NEK11: variants seen among roughly 807,000 people sequenced by gnomAD.
The protein encoded by NEK11 is NIMA related kinase 11.
NEK11 carries 72 observed loss-of-function variants against 80.7 expected under a neutral mutation model. The observed-to-expected ratio is 0.89, with a 90% CI of 0.74 to 1.08. NEK11 has a LOEUF of 1.08. Among genes scored for constraint, NEK11 ranks in the 50% least tolerant of loss-of-function variants. The pLI, the probability that NEK11 is intolerant of heterozygous loss-of-function variation, is 0.00. For missense variants in NEK11, 764 were observed against 763.6 expected, an observed-to-expected ratio of 1.00 and a Z score of -0.01; for synonymous variants, 251 against 260.7, an observed-to-expected ratio of 0.96 and a Z score of 0.36.
At chr3:131,098,679 G>A (rs533021956) in intron 4 of NEK11, among the ~76,000 whole-genome samples, 5 of 151,522 alleles carry the variant, frequency 3.3e-5, no homozygotes, top group African/African-American at 7.3e-5. Flanking sequence ...GGGTTCAAGC[G>A]ATTTTCCTGC....
At chr3:131,120,761 T>C (rs373898950) in intron 5 of NEK11, among the ~76,000 whole-genome samples, 2 of 152,242 alleles carry the variant, frequency 1.3e-5, no homozygotes, top group South Asian at 4.1e-4. Flanking sequence ...TTCGTCCACT[T>C]GATCAAGTCA....
In NEK11 at chr3:131,258,472, TAAG is replaced by T. The variant is rs377243866; in HGVS notation, c.1621+14979_1621+14981del. Among the ~76,000 whole-genome samples the T allele has an allele frequency of 5.6e-4, 85 of 152,318 alleles. 2 individuals carry two copies. In the South Asian group the frequency reaches 0.015, roughly 27 times the overall value. On this transcript the variant is annotated intron_variant, in intron 16 of 17. Transcript: ENST00000383366. ...AGCTAAATTTCTTCATGTTGGCAGA[TAAG>T]AATAATTAAACTCCCCAAACATTGG...
intron 17 of NEK11, among the ~76,000 whole-genome samples, chr3:131,316,921 T>C (rs2096846262): frequency 6.6e-6 from 1 of 152,190 alleles, no homozygotes; most frequent in Non-Finnish European, 1.5e-5. Context: ...AATCCTAACT[T>C]TGCTGGAATG....
At chr3:131,061,234 T>C (rs1028008318) in intron 3 of NEK11, among the ~76,000 whole-genome samples, 1 of 152,180 alleles carries the variant, frequency 6.6e-6, no homozygotes, top group African/African-American at 2.4e-5. Flanking sequence ...TATTCAGAGG[T>C]AAACATGATC....
At chr3:131,159,453 T>A (rs144620590) in intron 10 of NEK11, among the ~76,000 whole-genome samples, 4 of 152,162 alleles carry the variant, frequency 2.6e-5, no homozygotes, top group Non-Finnish European at 5.9e-5. Context: ...ACTGACCTGA[T>A]TGAGCTGAAA....
intron 17 of NEK11, 79 bp downstream of exon 17, chr3:131,273,653 T>A (rs2096241683): frequency 7.5e-6 from 8 of 1,062,410 alleles, no homozygotes; most frequent in Middle Eastern, 4.1e-4. Context: ...AGTCATGTGA[T>A]ACTGTCTTAG....
chr3:131,214,695 A>ATGTGTGTGTGTGTGTG (rs57370577), intron 14 of NEK11, among the ~76,000 whole-genome samples: 1 of 147,562 alleles, frequency 6.8e-6, no homozygotes, highest in South Asian at 2.2e-4. Context: ...ATGTGCGTGC[A>ATGTGTGTGTGTGTGTG]TGTGTGTGTG....
At chr3:131,172,712 A>G (rs2092768799) in intron 14 of NEK11, among the ~76,000 whole-genome samples, 3 of 152,234 alleles carry the variant, frequency 2.0e-5, no homozygotes, top group Admixed American at 2.0e-4. Context: ...TCCATCTTGA[A>G]TAAGAGCTGA....
chr3:131,263,327 C>T lies in NEK11; in HGVS notation c.1622-10151C>T, dbSNP rs192982634. Among the ~76,000 whole-genome samples the T allele has an allele frequency of 2.6e-5, 4 of 152,236 alleles. No individual in the cohort carries two copies. In the East Asian group the frequency reaches 5.8e-4, roughly 22 times the overall value. On this transcript the variant is annotated intron_variant, in intron 16 of 17. Transcript: ENST00000383366. ...AGCACCATTTATTAAATAGGAAATC[C>T]TTTCCCCATTTCTTGTTTTTGTCAG...
intron 4 of NEK11, among the ~76,000 whole-genome samples, chr3:131,099,188 T>C (rs1215561258): frequency 6.6e-6 from 1 of 152,250 alleles, no homozygotes; most frequent in African/African-American, 2.4e-5. Context: ...GTCTTCTGCA[T>C]ATGGCCAGCC....
At chr3:131,046,649 G>C (rs1231445361) in intron 3 of NEK11, among the ~76,000 whole-genome samples, 1 of 151,486 alleles carries the variant, frequency 6.6e-6, no homozygotes, top group Non-Finnish European at 1.5e-5. Flanking sequence ...TGTTACATAA[G>C]TATACATTTG....
At chr3:131,181,763 A>AG (rs1016114013) in intron 14 of NEK11, among the ~76,000 whole-genome samples, 6 of 150,680 alleles carry the variant, frequency 4.0e-5, no homozygotes, top group African/African-American at 7.3e-5. Context: ...AAAAAAAAAA[A>AG]AAAGAAAAGA....
chr3:131,239,007 G>T (rs557664764), intron 15 of NEK11, among the ~76,000 whole-genome samples: 1 of 152,120 alleles, frequency 6.6e-6, no homozygotes, highest in Admixed American at 6.5e-5. Flanking sequence ...AGATAGATGA[G>T]CTCTATAGGT....
intron 14 of NEK11, among the ~76,000 whole-genome samples, chr3:131,201,253 G>A (rs755152486): frequency 1.3e-5 from 2 of 149,900 alleles, no homozygotes; most frequent in Non-Finnish European, 3.0e-5. Context: ...AAGCAAGGAC[G>A]TGCTTACCAT....
At chr3:131,134,999 A>G (rs1421300808) in intron 7 of NEK11, among the ~76,000 whole-genome samples, 3 of 152,230 alleles carry the variant, frequency 2.0e-5, no homozygotes, top group African/African-American at 4.8e-5. Flanking sequence ...ATGCAAATCA[A>G]CATAAATAGT....
intron 14 of NEK11, among the ~76,000 whole-genome samples, chr3:131,187,329 G>C (rs1442017322): frequency 6.6e-6 from 1 of 152,170 alleles, no homozygotes; most frequent in Non-Finnish European, 1.5e-5. Flanking sequence ...CACTGTTCCA[G>C]AGTAAAATCT....
intron 4 of NEK11, among the ~76,000 whole-genome samples, chr3:131,102,807 G>A (rs2078597960): frequency 1.3e-5 from 2 of 152,106 alleles, no homozygotes; most frequent in Non-Finnish European, 2.9e-5. Context: ...GAATACCATT[G>A]AGTCATAGAT....
At chr3:131,232,612 A>C (rs1201450090) in intron 15 of NEK11, among the ~76,000 whole-genome samples, 5 of 152,182 alleles carry the variant, frequency 3.3e-5, no homozygotes, top group Non-Finnish European at 7.3e-5. Flanking sequence ...TCCCCAAATC[A>C]TTCAGAGGTT....
chr3:131,177,803 A>T (rs528909575), intron 14 of NEK11, among the ~76,000 whole-genome samples: 1 of 152,232 alleles, frequency 6.6e-6, no homozygotes, highest in Non-Finnish European at 1.5e-5. Context: ...GATGAACAAC[A>T]ACATACAAAA....
Sources: gnomAD v4.1 joint callset for allele counts (sites outside exome capture counted in the v4.1 genomes callset) on GRCh38, gnomAD v4.1.1 for gene constraint, MANE v1.5 for transcripts, NCBI Gene and HGNC (gene_info 2026-07-23, HGNC 2026-07-21) for gene names.